The following GABBR2 variants were observed in gnomAD, a reference collection of about 807,000 sequenced individuals.
GABBR2 encodes gamma-aminobutyric acid type B receptor subunit 2.
GABBR2 carries 23 observed loss-of-function variants against 105.6 expected under a neutral mutation model. The ratio of observed to expected loss-of-function variants is 0.22; its 90% CI spans 0.16 to 0.31. The LOEUF is 0.31. GABBR2 is among the 10% of genes least tolerant of loss of function. GABBR2 has a pLI of 1.00. For missense variants in GABBR2, 734 were observed against 1,245.5 expected (o/e 0.59, Z 6.18); for synonymous variants, 478 against 499.7 (o/e 0.96, Z 0.58).
intron 1 of GABBR2, among the ~76,000 whole-genome samples, chr9:98,689,156 A>G (rs1443099622): frequency 6.6e-6 from 1 of 152,154 alleles, no homozygotes; most frequent in Non-Finnish European, 1.5e-5. Context: ...CAGATTATCT[A>G]TGGGAAGGCA....
At chr9:98,375,034 C>G (rs1243451885) in intron 11 of GABBR2, 1 of 152,144 alleles carries the variant, frequency 6.6e-6, no homozygotes, top group Non-Finnish European at 1.5e-5. Flanking sequence ...AGTGAGTCCC[C>G]ATATTAAGTG....
At chr9:98,519,389 G>A (rs1213138699) in intron 3 of GABBR2, among the ~76,000 whole-genome samples, 1 of 152,258 alleles carries the variant, frequency 6.6e-6, no homozygotes, top group Non-Finnish European at 1.5e-5. Context: ...AGGCAGAACT[G>A]CCAGAATGCT....
chr9:98,463,959 G>C (rs1036597419), intron 6 of GABBR2, among the ~76,000 whole-genome samples: 3 of 152,200 alleles, frequency 2.0e-5, no homozygotes, highest in Non-Finnish European at 4.4e-5. Flanking sequence ...AAGCTGGAGT[G>C]CAGTGGCGTG....
chr9:98,623,465 A>C (rs1047543811), intron 1 of GABBR2, among the ~76,000 whole-genome samples: 1 of 152,216 alleles, frequency 6.6e-6, no homozygotes, highest in Admixed American at 6.5e-5. Context: ...AAAAACATAC[A>C]AAAACGCATA....
chr9:98,516,642 G>A (rs892496446), intron 3 of GABBR2, among the ~76,000 whole-genome samples: 5 of 152,080 alleles, frequency 3.3e-5, no homozygotes, highest in Non-Finnish European at 7.4e-5. Context: ...CTGCTCCCAC[G>A]CAGTACCCAG....
chr9:98,509,730 A>C (rs1274686800), intron 3 of GABBR2, among the ~76,000 whole-genome samples: 3 of 152,214 alleles, frequency 2.0e-5, no homozygotes, highest in African/African-American at 7.2e-5. Flanking sequence ...AAAAAGAATA[A>C]AAAGAAATGA....
At chr9:98,506,640 G>A (rs1588201214) in intron 3 of GABBR2, among the ~76,000 whole-genome samples, 1 of 152,190 alleles carries the variant, frequency 6.6e-6, no homozygotes, top group African/African-American at 2.4e-5. Flanking sequence ...GTGGTGCTCT[G>A]GGGGCACCCC....
intron 10 of GABBR2, among the ~76,000 whole-genome samples, chr9:98,386,878 G>T (rs1374346326): frequency 1.3e-5 from 2 of 152,214 alleles, no homozygotes; most frequent in Non-Finnish European, 2.9e-5. Context: ...GGAGCAGGGG[G>T]TCCAGGGCTT....
At chr9:98,610,642 G>A (rs1441088420) in intron 1 of GABBR2, among the ~76,000 whole-genome samples, 2 of 152,148 alleles carry the variant, frequency 1.3e-5, no homozygotes, top group East Asian at 1.9e-4. Flanking sequence ...TTGGAACCCT[G>A]CAGACCCAAG....
At chr9:98,419,637 C>T (rs1480172363) in intron 7 of GABBR2, among the ~76,000 whole-genome samples, 1 of 152,188 alleles carries the variant, frequency 6.6e-6, no homozygotes, top group Non-Finnish European at 1.5e-5. Flanking sequence ...TCAGGGGCTT[C>T]TCATGTTCAG....
chr9:98,569,803 T>C (rs1481173005), intron 2 of GABBR2, among the ~76,000 whole-genome samples: 10 of 152,110 alleles, frequency 6.6e-5, no homozygotes, highest in Admixed American at 4.6e-4. Context: ...TGAATCTACC[T>C]CAAATTCCAC....
intron 2 of GABBR2, 107 bp downstream of exon 2, chr9:98,577,828 C>T (rs1828941875): frequency 8.7e-7 from 1 of 1,144,630 alleles, no homozygotes; most frequent in African/African-American, 1.5e-5. Flanking sequence ...TCCAGGAGGC[C>T]TGACCCAGGC....
At chr9:98,700,808 C>T (rs1258391631) in intron 1 of GABBR2, among the ~76,000 whole-genome samples, 1 of 152,188 alleles carries the variant, frequency 6.6e-6, no homozygotes, top group East Asian at 1.9e-4. Flanking sequence ...TCCAGTGTGC[C>T]TTCCCTCTGG....
In GABBR2 at chr9:98,347,295, C is replaced by T. The variant is rs540916134; in HGVS notation, c.1893+15420G>A. Reference sequence around the variant, plus strand: ...TTCTAACCGGGGTGAGATGATACCTCACTGTGGTTTTGATTTGCATTTCCT... The same window carrying T: ...TTCTAACCGGGGTGAGATGATACCTTACTGTGGTTTTGATTTGCATTTCCT... On this transcript the variant is annotated intron_variant, in intron 13 of 18. Coordinates refer to ENST00000259455, the MANE Select transcript of GABBR2 (RefSeq NM_005458.8). Among the ~76,000 whole-genome samples, 39 of 152,302 alleles carry T rather than the reference C, an allele frequency of 2.6e-4. No individual in the cohort carries two copies. The Middle Eastern group carries it at 0.01, about 40-fold the overall frequency.
At chr9:98,292,134 C>T (rs1307531085) in intron 18 of GABBR2, among the ~76,000 whole-genome samples, 1 of 152,232 alleles carries the variant, frequency 6.6e-6, no homozygotes, top group African/African-American at 2.4e-5. Context: ...ATGGGTGCAA[C>T]TTTCACACCG....
intron 1 of GABBR2, among the ~76,000 whole-genome samples, chr9:98,639,939 C>T (rs528198253): frequency 6.6e-6 from 1 of 152,272 alleles, no homozygotes; most frequent in South Asian, 2.1e-4. Context: ...ATAGTGGCAA[C>T]CAGGACAGGT....
At position 98,702,878 on chromosome 9, in the gene GABBR2, C is replaced by T. The variant is rs368848665; in HGVS notation, c.321+5539G>A. Among the ~76,000 whole-genome samples the T allele has an allele frequency of 2.8e-4, 43 of 152,346 alleles. 2 individuals are homozygous for T. In the South Asian group the frequency reaches 8.7e-3, roughly 31 times the overall value. ...TTGTGGCTATTTGTGATCAGACCCA[C>T]TGGCATACCAACCCTTAATGGCCTC... On this transcript the variant is annotated intron_variant, in intron 1 of 18. Transcript: ENST00000259455.
chr9:98,468,144 G>A (rs577126235), intron 6 of GABBR2, among the ~76,000 whole-genome samples: 2 of 152,182 alleles, frequency 1.3e-5, no homozygotes, highest in Non-Finnish European at 2.9e-5. Context: ...AAGTCCCAAC[G>A]CAGGACAGTC....
intron 1 of GABBR2, among the ~76,000 whole-genome samples, chr9:98,580,053 A>G (rs1828979776): frequency 6.6e-6 from 1 of 152,124 alleles, no homozygotes; most frequent in Admixed American, 6.5e-5. Context: ...AATGGAAGCC[A>G]CTCAGTCCAG....
Sources: gnomAD v4.1 joint callset for allele counts (sites outside exome capture counted in the v4.1 genomes callset) on GRCh38, gnomAD v4.1.1 for gene constraint, MANE v1.5 for transcripts, NCBI Gene and HGNC (gene_info 2026-07-23, HGNC 2026-07-21) for gene names.